The following SHROOM3 variants were observed in gnomAD, a reference collection of about 807,000 sequenced individuals.
SHROOM3 encodes the protein protein Shroom3.
A neutral mutation model predicts 138.6 loss-of-function variants in SHROOM3; 47 were observed. That is an observed-to-expected ratio of 0.34 (90% CI 0.27 to 0.43). The LOEUF is 0.43. Among genes scored for constraint, SHROOM3 ranks in the 20% least tolerant of loss-of-function variants. The pLI, the probability that SHROOM3 is intolerant of heterozygous loss-of-function variation, is 1.00. For synonymous variants in SHROOM3, 1,062 were observed against 1,063.3 expected (o/e 1.00, Z 0.02); for missense variants, 2,491 against 2,596.5 (o/e 0.96, Z 0.88).
intron 1 of SHROOM3, among the ~76,000 whole-genome samples, chr4:76,499,083 A>G (rs1444584667): frequency 6.6e-6 from 1 of 152,212 alleles, no homozygotes; most frequent in African/African-American, 2.4e-5. Context: ...AGAGCATCCA[A>G]TTCTCCCTCA....
At chr4:76,719,174 C>G (rs1393180810) in intron 3 of SHROOM3, among the ~76,000 whole-genome samples, 2 of 152,222 alleles carry the variant, frequency 1.3e-5, no homozygotes, top group African/African-American at 4.8e-5. Context: ...CTGCAGCTAT[C>G]TGAGCCTCTC....
intron 9 of SHROOM3, among the ~76,000 whole-genome samples, chr4:76,766,558 G>A (rs1350342438): frequency 6.6e-6 from 1 of 152,222 alleles, no homozygotes; most frequent in Non-Finnish European, 1.5e-5. Flanking sequence ...CACAAATTAA[G>A]TAGCTCCTGA....
At chr4:76,475,138 G>A (rs998819058) in intron 1 of SHROOM3, among the ~76,000 whole-genome samples, 4 of 151,900 alleles carry the variant, frequency 2.6e-5, no homozygotes, top group African/African-American at 9.7e-5. Context: ...ATATTAGCCT[G>A]GTAAATTGAA....
intron 1 of SHROOM3, among the ~76,000 whole-genome samples, chr4:76,528,312 CTT>C (rs1732744230): frequency 6.8e-6 from 1 of 146,506 alleles, no homozygotes; most frequent in African/African-American, 2.5e-5. Flanking sequence ...TCAACTTAGT[CTT>C]TCTTTCTTTC....
intron 1 of SHROOM3, among the ~76,000 whole-genome samples, chr4:76,487,487 G>A (rs1731757112): frequency 6.6e-6 from 1 of 152,102 alleles, no homozygotes; most frequent in Non-Finnish European, 1.5e-5. Context: ...TGGAGAGAAA[G>A]GCAATTTTAA....
intron 2 of SHROOM3, among the ~76,000 whole-genome samples, chr4:76,678,808 C>T (rs1719111188): frequency 6.6e-6 from 1 of 152,020 alleles, no homozygotes; most frequent in Non-Finnish European, 1.5e-5. Context: ...TTACAGGTGC[C>T]TGCCACCATG....
intron 2 of SHROOM3, among the ~76,000 whole-genome samples, chr4:76,659,602 G>A (rs1736140601): frequency 6.6e-6 from 1 of 152,172 alleles, no homozygotes. Flanking sequence ...TTATTTATGA[G>A]CTAGAGTCTC....
At chr4:76,767,027 T>C (rs935850268) in intron 9 of SHROOM3, among the ~76,000 whole-genome samples, 2 of 152,196 alleles carry the variant, frequency 1.3e-5, no homozygotes, top group African/African-American at 2.4e-5. Context: ...ACACACATGC[T>C]CCTGTGACAG....
At chr4:76,501,300 T>C (rs1732086938) in intron 1 of SHROOM3, among the ~76,000 whole-genome samples, 1 of 152,230 alleles carries the variant, frequency 6.6e-6, no homozygotes, top group Non-Finnish European at 1.5e-5. Context: ...ATATACTCTA[T>C]ATATTTTGTT....
intron 5 of SHROOM3, among the ~76,000 whole-genome samples, chr4:76,743,004 G>A (rs1721312142): frequency 6.6e-6 from 1 of 152,174 alleles, no homozygotes; most frequent in Non-Finnish European, 1.5e-5. Flanking sequence ...AGTTAAGCAA[G>A]GAATACGACC....
chr4:76,779,335 T>C lies in SHROOM3; in HGVS notation c.*158T>C, dbSNP rs761152489. ...TCTCTCCAGGAGGAAGCCTTTTTCC[T>C]TCTTGCCCTTCCTGATTGATCTTCT... On this transcript the variant is annotated 3_prime_UTR_variant, in exon 11 of 11. Coordinates refer to ENST00000296043, the MANE Select transcript of SHROOM3 (RefSeq NM_020859.4). 37 of 917,458 alleles carry C rather than the reference T, an allele frequency of 4.0e-5. No individual in the cohort carries two copies. Among genetic ancestry groups the C allele is most frequent in the Non-Finnish European group, 5.9e-5 (37 of 628,506 alleles). The allele number at this position is 917,458 out of a possible 1,614,324, so 56.8% of individuals were successfully genotyped here.
At chr4:76,498,855 C>T (rs1732024993) in intron 1 of SHROOM3, among the ~76,000 whole-genome samples, 1 of 152,102 alleles carries the variant, frequency 6.6e-6, no homozygotes, top group Admixed American at 6.5e-5. Flanking sequence ...CACTGTAACC[C>T]ATGAAATTAA....
intron 2 of SHROOM3, among the ~76,000 whole-genome samples, chr4:76,652,292 A>G (rs1735978471): frequency 6.6e-6 from 1 of 152,170 alleles, no homozygotes; most frequent in Non-Finnish European, 1.5e-5. Context: ...ACTGAGAGAG[A>G]AGCTAAAGAT....
chr4:76,471,340 T>C (rs1454398181), intron 1 of SHROOM3, among the ~76,000 whole-genome samples: 1 of 151,822 alleles, frequency 6.6e-6, no homozygotes, highest in Non-Finnish European at 1.5e-5. Flanking sequence ...GCCTCCCGAC[T>C]TCAAGTGATT....
At chr4:76,623,886 C>T (rs1030583650) in intron 2 of SHROOM3, among the ~76,000 whole-genome samples, 4 of 152,144 alleles carry the variant, frequency 2.6e-5, no homozygotes, top group African/African-American at 9.7e-5. Flanking sequence ...CATACTCATA[C>T]GCCATAACTG....
In SHROOM3 at chr4:76,664,849, G is replaced by A. The variant is rs1311283858; in HGVS notation, c.324-45307G>A. ...CTTCCACAGCCTCTGGTTGCGCCTT[G>A]GTTTTAAAGGCTTCCAGGTGGTCGA... On this transcript the variant is annotated intron_variant, in intron 2 of 10. Coordinates refer to ENST00000296043, the MANE Select transcript of SHROOM3 (RefSeq NM_020859.4). The surrounding 1 kb of genome is among the most constrained non-coding windows in gnomAD (Gnocchi z 4.2). Among the ~76,000 whole-genome samples the A allele has an allele frequency of 2.6e-5, 4 of 152,074 alleles. No individual in the cohort carries two copies. The highest frequency in any genetic ancestry group is 2.6e-4 in the Admixed American group (4 of 15,256).
At chr4:76,696,492 G>A (rs1719739275) in intron 2 of SHROOM3, among the ~76,000 whole-genome samples, 1 of 152,136 alleles carries the variant, frequency 6.6e-6, no homozygotes, top group African/African-American at 2.4e-5. Context: ...TCTTTGTCGT[G>A]GGTTCTATAC....
Position 76,779,461 on chromosome 4 carries a change from T to C in SHROOM3, c.*284T>C, listed in dbSNP as rs750063357. 5.9e-5 allele frequency: 21 copies of C among 358,546 alleles called. No homozygotes were observed. Among genetic ancestry groups the C allele is most frequent in the Middle Eastern group, 8.4e-4 (1 of 1,192 alleles). 22.2% of individuals were successfully genotyped at this position (358,546 alleles called of 1,614,324 possible). A position where few individuals can be genotyped will look rare whatever the true frequency, so the allele number is the denominator to read the frequency against. ...GAACTGATTGGAGGGTGTTTGATCA[T>C]TTAGTTTTTAACAGGCTGAGGCAAC... On this transcript the variant is annotated 3_prime_UTR_variant, in exon 11 of 11. Transcript: ENST00000296043.
At chr4:76,722,306 C>T (rs948769821) in intron 3 of SHROOM3, among the ~76,000 whole-genome samples, 1 of 152,142 alleles carries the variant, frequency 6.6e-6, no homozygotes, top group African/African-American at 2.4e-5. Context: ...GCTACCTATA[C>T]ACCATGGAAT....
Sources: gnomAD v4.1 joint callset for allele counts (sites outside exome capture counted in the v4.1 genomes callset) on GRCh38, gnomAD v4.1.1 for gene constraint, Gnocchi (gnomAD v3.1) non-coding constraint, MANE v1.5 for transcripts, NCBI Gene and HGNC (gene_info 2026-07-23, HGNC 2026-07-21) for gene names.